The following LRGUK variants were observed in gnomAD, a reference collection of about 807,000 sequenced individuals.
LRGUK encodes the protein leucine-rich repeat and guanylate kinase domain-containing protein.
In LRGUK, 65 loss-of-function variants were observed where a neutral mutation model predicts 76.0. The observed-to-expected ratio is 0.85, with a 90% CI of 0.70 to 1.05. The LOEUF (loss-of-function observed/expected upper bound fraction) is 1.05, where lower values mean the gene tolerates loss of function less well. Ranked by LOEUF, LRGUK falls within the 50% of genes least tolerant of loss-of-function variation. The pLI is 0.00. For missense variants in LRGUK, 758 were observed against 732.8 expected (o/e 1.03, Z -0.40); for synonymous variants, 268 against 265.6 (o/e 1.01, Z -0.09).
downstream of LRGUK, among the ~76,000 whole-genome samples, chr7:134,214,224 T>C (rs1801372001): frequency 2.0e-5 from 3 of 152,220 alleles, no homozygotes; most frequent in African/African-American, 7.2e-5. Context: ...ATAGACTTTT[T>C]TTTTTTGTAC....
chr7:134,148,341 G>C, intron 5 of LRGUK, 22 bp downstream of exon 5: 6 of 1,382,020 alleles, frequency 4.3e-6, no homozygotes, highest in Non-Finnish European at 6.1e-6. Context: ...ATAAGTAAAG[G>C]GGAAAATTTT....
At chr7:134,256,637 G>A (rs951336852) in intron 18 of LRGUK, among the ~76,000 whole-genome samples, 3 of 152,106 alleles carry the variant, frequency 2.0e-5, no homozygotes, top group East Asian at 1.9e-4. Context: ...CGGTCCCTCT[G>A]CTGAGAGCAT....
chr7:134,248,005 A>G (rs151288102), intron 17 of LRGUK, among the ~76,000 whole-genome samples: 1 of 152,334 alleles, frequency 6.6e-6, no homozygotes, highest in East Asian at 1.9e-4. Flanking sequence ...TAAGTTATCT[A>G]TTGAGAATCT....
chr7:134,264,025 T>G, exon 20 of LRGUK: 1 of 1,546,942 alleles, frequency 6.5e-7, no homozygotes, highest in Non-Finnish European at 8.7e-7. Context: ...TCTGCTGATG[T>G]CGAATTCCTT....
chr7:134,183,690 T>C, intron 10 of LRGUK, 44 bp from the exon 11 acceptor site: 9 of 1,610,908 alleles, frequency 5.6e-6, no homozygotes, highest in Non-Finnish European at 7.6e-6. Flanking sequence ...ATGTGCTGTC[T>C]CCCTGACTGC....
intron 10 of LRGUK, among the ~76,000 whole-genome samples, chr7:134,182,071 T>C (rs929280895): frequency 5.9e-5 from 9 of 152,216 alleles, no homozygotes; most frequent in Admixed American, 1.3e-4. Context: ...TGCTGTTATT[T>C]CAAACATGTA....
intron 10 of LRGUK, 102 bp from the exon 11 acceptor site, chr7:134,183,632 G>GC (rs1350772044): frequency 3.1e-6 from 4 of 1,307,154 alleles, no homozygotes; most frequent in Non-Finnish European, 4.3e-6. Context: ...GTCTTATATA[G>GC]CAAGTGCTCA....
At chr7:134,158,878 A>G (rs922764639) in intron 6 of LRGUK, among the ~76,000 whole-genome samples, 12 of 152,148 alleles carry the variant, frequency 7.9e-5, no homozygotes, top group African/African-American at 2.9e-4. Flanking sequence ...AATATCCAGG[A>G]TTCTTTCTTC....
intron 7 of LRGUK, among the ~76,000 whole-genome samples, chr7:134,173,263 CTT>C (rs1799336193): frequency 1.3e-5 from 2 of 152,276 alleles, no homozygotes; most frequent in South Asian, 4.1e-4. Flanking sequence ...CATATTGTAT[CTT>C]TGAAAATGGC....
At chr7:134,214,590 A>G (rs1801383536), downstream of LRGUK, among the ~76,000 whole-genome samples, 1 of 152,176 alleles carries the variant, frequency 6.6e-6, no homozygotes, top group Non-Finnish European at 1.5e-5. Flanking sequence ...TAATTAGAGG[A>G]AACTATTTAT....
intron 15 of LRGUK, among the ~76,000 whole-genome samples, chr7:134,217,355 T>C (rs1364637184): frequency 6.6e-6 from 1 of 152,148 alleles, no homozygotes; most frequent in African/African-American, 2.4e-5. Context: ...TTTCTTGATA[T>C]AGAAATTGTT....
intron 1 of LRGUK, among the ~76,000 whole-genome samples, chr7:134,131,066 A>G (rs992929323): frequency 6.6e-6 from 1 of 152,216 alleles, no homozygotes; most frequent in Admixed American, 6.5e-5. Context: ...TTGAACAAGC[A>G]TTTACTGAAT....
At chr7:134,150,384 C>G (rs761492550) in intron 5 of LRGUK, among the ~76,000 whole-genome samples, 2 of 151,720 alleles carry the variant, frequency 1.3e-5, no homozygotes, top group Non-Finnish European at 2.9e-5. Context: ...ATTGCTTGAA[C>G]CTGGGAGGTG....
At chr7:134,147,375 C>T (rs761510765) in intron 4 of LRGUK, among the ~76,000 whole-genome samples, 8 of 149,070 alleles carry the variant, frequency 5.4e-5, no homozygotes, top group Non-Finnish European at 1.0e-4. Flanking sequence ...GCAGAGGTTG[C>T]AGTGAGCTGA....
At chr7:134,202,328 A>AC (rs945524341) in intron 15 of LRGUK, among the ~76,000 whole-genome samples, 16 of 151,962 alleles carry the variant, frequency 1.1e-4, no homozygotes, top group African/African-American at 3.9e-4. Context: ...TAAAAAAAAA[A>AC]ACAGAAATTA....
chr7:134,270,625 G>A, the LRGUK span, among the ~76,000 whole-genome samples: 6 of 151,886 alleles, frequency 4.0e-5, no homozygotes, highest in African/African-American at 7.3e-5. Flanking sequence ...TCAAAACTTC[G>A]TGTTATATTA....
In LRGUK at chr7:134,256,681, C is replaced by T. The variant is rs1429631506; in HGVS notation, c.2199-1576C>T. ...CTCCCCTCCAGTTTCAACCTCCACC[C>T]CACCTTCCCCCTTTTCTAGCTAATT... On this transcript the variant is annotated intron_variant, in intron 18 of 19. Coordinates refer to the LRGUK transcript ENST00000285928. Among the ~76,000 whole-genome samples, 2 of 152,102 alleles carry T rather than the reference C, an allele frequency of 1.3e-5. 1 individual carries two copies. Among genetic ancestry groups the T allele is most frequent in the East Asian group, 3.9e-4 (2 of 5,172 alleles).
chr7:134,142,988 T>G, intron 3 of LRGUK, 74 bp from the exon 4 acceptor site: 1 of 787,732 alleles, frequency 1.3e-6, no homozygotes, highest in Non-Finnish European at 2.2e-6. Flanking sequence ...TCTGATGTCA[T>G]GTACACTGTT....
At chr7:134,274,212 G>A in the LRGUK span, among the ~76,000 whole-genome samples, 2 of 152,176 alleles carry the variant, frequency 1.3e-5, no homozygotes, top group East Asian at 1.9e-4. Context: ...AATCACATGT[G>A]ACTAGTGACT....
Sources: allele counts gnomAD v4.1 joint callset (sites outside exome capture counted in the v4.1 genomes callset), GRCh38; gene constraint gnomAD v4.1.1; transcripts MANE v1.5; gene names NCBI Gene and HGNC (gene_info 2026-07-23, HGNC 2026-07-21).